Variants in ABCA13 observed in about 807,000 individuals in gnomAD.
The protein encoded by ABCA13 is ATP-binding cassette sub-family A member 13.
A neutral mutation model predicts 478.7 loss-of-function variants in ABCA13; 476 were observed. The ratio of observed to expected loss-of-function variants is 0.99; its 90% CI spans 0.92 to 1.07. The LOEUF is 1.07. Ranked by LOEUF, ABCA13 falls within the 50% of genes least tolerant of loss-of-function variation. The pLI, the probability that ABCA13 is intolerant of heterozygous loss-of-function variation, is 0.00. For missense variants in ABCA13, 6,060 were observed against 5,910.6 expected (o/e 1.03, Z -0.83); for synonymous variants, 2,252 against 2,158.9 (o/e 1.04, Z -1.20).
chr7:48,406,670 C>T (rs1030073288), intron 39 of ABCA13, among the ~76,000 whole-genome samples: 8 of 151,930 alleles, frequency 5.3e-5, no homozygotes, highest in Admixed American at 2.0e-4. Context: ...CTCAGGAGTT[C>T]GAGACCATCC....
chr7:48,335,543 G>C lies in ABCA13; in HGVS notation c.10113+8G>C, dbSNP rs773970769. 3 of 1,610,996 alleles carry C rather than the reference G, an allele frequency of 1.9e-6. No individual in the cohort carries two copies. The highest frequency in any genetic ancestry group is 2.5e-6 in the Non-Finnish European group (3 of 1,177,570). ...ATGTTCAACCAGCTGCAGGTGAGTG[G>C]TTGGTCTTTGCCACCGAGGGATGGG... is the stretch of plus-strand genomic sequence containing the variant. On this transcript the variant is annotated splice_region_variant and intron_variant, in intron 28 of 61. Coordinates refer to ENST00000435803, the MANE Select transcript of ABCA13 (RefSeq NM_152701.5).
chr7:48,216,576 A>G (rs1786514438), intron 3 of ABCA13, among the ~76,000 whole-genome samples: 1 of 152,052 alleles, frequency 6.6e-6, no homozygotes, highest in African/African-American at 2.4e-5. Flanking sequence ...TTTTTGAAGT[A>G]AAAGTTTTTA....
intron 41 of ABCA13, among the ~76,000 whole-genome samples, chr7:48,413,476 A>T (rs1819549087): frequency 6.6e-6 from 1 of 152,178 alleles, no homozygotes; most frequent in Non-Finnish European, 1.5e-5. Flanking sequence ...AACCTGAGGC[A>T]TGCCTTGTTT....
intron 31 of ABCA13, among the ~76,000 whole-genome samples, chr7:48,359,814 G>A (rs1335268543): frequency 6.6e-6 from 1 of 151,942 alleles, no homozygotes; most frequent in Admixed American, 6.6e-5. Flanking sequence ...TAAGACTTTG[G>A]TCCAACACGC....
chr7:48,288,759 T>G (rs1798107572), intron 20 of ABCA13, among the ~76,000 whole-genome samples: 1 of 152,148 alleles, frequency 6.6e-6, no homozygotes, highest in African/African-American at 2.4e-5. Context: ...GCATAGCAAT[T>G]TCCTTTTTAT....
At chr7:48,430,696 T>C (rs1224573139) in intron 42 of ABCA13, among the ~76,000 whole-genome samples, 1 of 148,450 alleles carries the variant, frequency 6.7e-6, no homozygotes, top group African/African-American at 2.5e-5. Context: ...AAAAAGCCTG[T>C]AGTGATGTTT....
chr7:48,227,566 C>T (rs938398474), intron 6 of ABCA13, 141 bp downstream of exon 6: 2 of 986,200 alleles, frequency 2.0e-6, no homozygotes, highest in Non-Finnish European at 3.0e-6. Flanking sequence ...GGAGCTTCTG[C>T]ACCTCCACGA....
Position 48,279,902 on chromosome 7 carries a change from T to A in ABCA13, c.8708T>A (p.Ile2903Asn). ...LFVLTKYWQQ[I>N]PLTDQSVVEI... is the part of the protein sequence containing the mutation. ...GTATTGACTAAATACTGGCAACAAA[T>A]CCCACTAACAGATCAAAGGTAATTA... The change falls in exon 18 of 62, where the codon ATC becomes AAC. Residue 2903 changes from isoleucine to asparagine, a missense_variant. Ile to Asn is a moderately radical substitution (Grantham distance 149). Transcript: ENST00000435803. 6.6e-7 allele frequency: 1 copy of A among 1,520,186 alleles called. No homozygotes were observed. 94.2% of individuals were successfully genotyped at this position (1,520,186 alleles called of 1,614,324 possible). A position where few individuals can be genotyped will look rare whatever the true frequency, so the allele number is the denominator to read the frequency against.
intron 48 of ABCA13, among the ~76,000 whole-genome samples, chr7:48,500,531 GA>G (rs1830651613): frequency 6.6e-6 from 1 of 151,972 alleles, no homozygotes; most frequent in Admixed American, 6.6e-5. Context: ...CCAATTTAAA[GA>G]TATATTTGCT....
intron 58 of ABCA13, among the ~76,000 whole-genome samples, chr7:48,599,148 A>G (rs1790606305): frequency 6.6e-6 from 1 of 151,728 alleles, no homozygotes; most frequent in Non-Finnish European, 1.5e-5. Flanking sequence ...AAAATTTTTC[A>G]TTATCTTGAA....
chr7:48,597,135 A>G (rs1406494207), intron 58 of ABCA13, among the ~76,000 whole-genome samples: 2 of 151,972 alleles, frequency 1.3e-5, no homozygotes, highest in Admixed American at 1.3e-4. Context: ...GTATTTTAGT[A>G]GAGACGGGGT....
intron 55 of ABCA13, among the ~76,000 whole-genome samples, chr7:48,567,151 A>T (rs545079614): frequency 2.8e-4 from 43 of 152,286 alleles, no homozygotes; most frequent in African/African-American, 1.0e-3. Flanking sequence ...CCTTAGTTTA[A>T]AAATATAATC....
At position 48,298,306 on chromosome 7, in the gene ABCA13, C is replaced by T. The variant is rs543492714; in HGVS notation, c.9200-60C>T. The T allele has an allele frequency of 2.2e-5, 32 of 1,465,634 alleles. No homozygotes were observed. The East Asian group carries it at 4.4e-4, about 20-fold the overall frequency. The allele number at this position is 1,465,634 out of a possible 1,614,324, so 90.8% of individuals were successfully genotyped here. A position where few individuals can be genotyped will look rare whatever the true frequency, so the allele number is the denominator to read the frequency against. ...AGGTTGTAATATCAAATTTTGTTTT[C>T]GCAGTCAGTAATGATCTAAACCTTT... On this transcript the variant is annotated intron_variant, in intron 22 of 61. Transcript: ENST00000435803.
At chr7:48,448,837 T>C (rs1470726287) in intron 42 of ABCA13, among the ~76,000 whole-genome samples, 1 of 152,170 alleles carries the variant, frequency 6.6e-6, no homozygotes, top group Non-Finnish European at 1.5e-5. Flanking sequence ...TATATTTAAT[T>C]AACCTAGCTT....
intron 36 of ABCA13, among the ~76,000 whole-genome samples, chr7:48,388,692 C>T (rs960978618): frequency 2.0e-5 from 3 of 152,234 alleles, no homozygotes; most frequent in African/African-American, 7.2e-5. Flanking sequence ...CACCTATCCA[C>T]TCTCACGTCC....
intron 10 of ABCA13, among the ~76,000 whole-genome samples, chr7:48,242,171 C>A (rs959367916): frequency 6.6e-6 from 1 of 152,062 alleles, no homozygotes; most frequent in Admixed American, 6.6e-5. Context: ...CCGTAATTAT[C>A]CTACAAATCT....
intron 29 of ABCA13, among the ~76,000 whole-genome samples, chr7:48,340,810 A>G (rs1229777965): frequency 6.6e-6 from 1 of 151,972 alleles, no homozygotes; most frequent in Admixed American, 6.6e-5. Flanking sequence ...AAAGTTTTTC[A>G]TATCTATAAA....
intron 29 of ABCA13, among the ~76,000 whole-genome samples, chr7:48,349,754 C>G (rs1425095018): frequency 1.3e-5 from 2 of 152,144 alleles, no homozygotes; most frequent in African/African-American, 2.4e-5. Context: ...CAGGTAGGCT[C>G]CAAGCTTCGA....
Position 48,626,850 on chromosome 7 carries a change from G to A in ABCA13, c.14837+11473G>A. On this transcript the variant is annotated intron_variant, in intron 59 of 61. Transcript: ENST00000435803. Reference sequence around the variant, plus strand: ...AGTATGTTCCTAGGGACACTGATGGGCTGTTTGGAGAATTCCTACGAGGAA... The same window carrying A: ...AGTATGTTCCTAGGGACACTGATGGACTGTTTGGAGAATTCCTACGAGGAA... The A allele has an allele frequency of 4.1e-6, 4 of 985,440 alleles. No individual in the cohort carries two copies. In the South Asian group the frequency reaches 1.4e-4, roughly 35 times the overall value. 61.0% of individuals were successfully genotyped at this position (985,440 alleles called of 1,614,324 possible).
Sources: allele counts gnomAD v4.1 joint callset (sites outside exome capture counted in the v4.1 genomes callset), GRCh38; gene constraint gnomAD v4.1.1; transcripts MANE v1.5; gene names NCBI Gene and HGNC (gene_info 2026-07-23, HGNC 2026-07-21).